The following TMTC2 variants were observed in gnomAD, a reference collection of about 807,000 sequenced individuals.
TMTC2 encodes the protein protein O-mannosyl-transferase TMTC2.
Under a neutral mutation model 82.4 loss-of-function variants are expected in TMTC2, and 43 were observed. The ratio of observed to expected loss-of-function variants is 0.52; its 90% CI spans 0.41 to 0.67. The LOEUF (loss-of-function observed/expected upper bound fraction) is 0.67. Ranked by LOEUF, TMTC2 falls within the 30% of genes least tolerant of loss-of-function variation. The pLI is 0.00. For missense variants in TMTC2, 919 were observed against 1,012.4 expected (o/e 0.91, Z 1.25); for synonymous variants, 408 against 381.9 (o/e 1.07, Z -0.80).
intron 11 of TMTC2, among the ~76,000 whole-genome samples, chr12:83,077,678 G>C (rs554388553): frequency 6.6e-6 from 1 of 151,768 alleles, no homozygotes; most frequent in African/African-American, 2.4e-5. Flanking sequence ...GAGTTCAAGC[G>C]ATTCTCCTGC....
chr12:83,032,022 C>T (rs537131191), intron 9 of TMTC2, among the ~76,000 whole-genome samples: 1 of 151,724 alleles, frequency 6.6e-6, no homozygotes, highest in Non-Finnish European at 1.5e-5. Flanking sequence ...ATAGGTTTTC[C>T]TATATGAAGT....
chr12:82,750,891 T>C lies in TMTC2; in HGVS notation c.83+63222T>C, dbSNP rs564214370. Among the ~76,000 whole-genome samples, 9 of 152,252 alleles carry C rather than the reference T, an allele frequency of 5.9e-5. No homozygotes were observed. In the South Asian group the frequency reaches 1.5e-3, roughly 25 times the overall value. ...AGTTATTGATTGAACAAATTCCAGT[T>C]TTTTTTGAACGAGGAAACTGTTAAG... On this transcript the variant is annotated intron_variant, in intron 1 of 11. Coordinates refer to ENST00000321196, the MANE Select transcript of TMTC2 (RefSeq NM_152588.3).
At chr12:82,765,622 C>T (rs148012358) in intron 1 of TMTC2, among the ~76,000 whole-genome samples, 61 of 151,914 alleles carry the variant, frequency 4.0e-4, no homozygotes, top group African/African-American at 1.4e-3. Flanking sequence ...TGAGGTGAAC[C>T]AAGATTGCAC....
chr12:82,989,493 A>T, intron 8 of TMTC2, among the ~76,000 whole-genome samples: 1 of 151,978 alleles, frequency 6.6e-6, no homozygotes, highest in East Asian at 1.9e-4. Flanking sequence ...TACCTAAGCT[A>T]GATTGATAAA....
At chr12:83,024,275 A>G (rs1456201555) in intron 8 of TMTC2, among the ~76,000 whole-genome samples, 2 of 152,208 alleles carry the variant, frequency 1.3e-5, no homozygotes, top group Non-Finnish European at 2.9e-5. Flanking sequence ...ATTTTAAACT[A>G]TCAAATAATG....
chr12:82,999,675 C>G (rs1241927675), intron 8 of TMTC2, among the ~76,000 whole-genome samples: 1 of 152,042 alleles, frequency 6.6e-6, no homozygotes, highest in East Asian at 1.9e-4. Context: ...TTTTTAAAAC[C>G]ATCATATCTC....
intron 1 of TMTC2, among the ~76,000 whole-genome samples, chr12:82,785,793 A>G (rs1878149937): frequency 6.6e-6 from 1 of 152,102 alleles, no homozygotes. Context: ...GATTCTAGAG[A>G]CCATGATTCA....
chr12:82,885,821 A>G (rs1248075643), intron 2 of TMTC2, among the ~76,000 whole-genome samples: 1 of 152,156 alleles, frequency 6.6e-6, no homozygotes, highest in East Asian at 1.9e-4. Context: ...TCTCCACCGT[A>G]AAGTTACTTT....
At chr12:82,847,350 C>A (rs1438541401) in intron 1 of TMTC2, among the ~76,000 whole-genome samples, 1 of 152,118 alleles carries the variant, frequency 6.6e-6, no homozygotes, top group Non-Finnish European at 1.5e-5. Flanking sequence ...ATACTTAAAA[C>A]AATCTAGAAT....
At chr12:82,818,292 T>G (rs1453679557) in intron 1 of TMTC2, among the ~76,000 whole-genome samples, 1 of 152,106 alleles carries the variant, frequency 6.6e-6, no homozygotes, top group Non-Finnish European at 1.5e-5. Flanking sequence ...TCTTTTGTCC[T>G]TGCTAATATT....
In TMTC2 at chr12:82,844,540, G is replaced by A. The variant is rs533979366; in HGVS notation, c.84-12470G>A. 3.3e-5 allele frequency among the ~76,000 whole-genome samples: 5 copies of A among 152,200 alleles called. No homozygotes were observed. The South Asian group carries it at 8.3e-4, about 25-fold the overall frequency. On this transcript the variant is annotated intron_variant, in intron 1 of 11. Transcript: ENST00000321196. ...GTTCCAGCCGGGCGCAGTGGCTCAA[G>A]CCTGTAATCCCAGCACTTTGGGTGG...
At chr12:82,970,300 C>A (rs145238774) in intron 7 of TMTC2, among the ~76,000 whole-genome samples, 1 of 152,230 alleles carries the variant, frequency 6.6e-6, no homozygotes, top group Non-Finnish European at 1.5e-5. Flanking sequence ...TGTTTTATAA[C>A]GGGACTTTCC....
intron 1 of TMTC2, among the ~76,000 whole-genome samples, chr12:82,806,404 C>T (rs1879243357): frequency 2.6e-5 from 4 of 152,104 alleles, no homozygotes; most frequent in South Asian, 4.1e-4. Context: ...GAATCAGATA[C>T]AGTATTTGGC....
chr12:82,698,251 G>A (rs1056217074), intron 1 of TMTC2, among the ~76,000 whole-genome samples: 5 of 152,186 alleles, frequency 3.3e-5, no homozygotes, highest in Non-Finnish European at 5.9e-5. Flanking sequence ...GTAGAGGCAG[G>A]GTTGTGAACG....
chr12:82,937,750 GTATATATA>G (rs1162321741), intron 4 of TMTC2, among the ~76,000 whole-genome samples: 3,201 of 104,798 alleles, frequency 0.031, 81 homozygotes, highest in African/African-American at 0.043. Flanking sequence ...GTGTGTGTGT[GTATATATA>G]TATATATATA....
chr12:82,866,060 G>A (rs940436259), intron 2 of TMTC2, among the ~76,000 whole-genome samples: 4 of 151,968 alleles, frequency 2.6e-5, no homozygotes, highest in Non-Finnish European at 5.9e-5. Flanking sequence ...GAGAAAGCAG[G>A]AAAGATCTAA....
intron 1 of TMTC2, among the ~76,000 whole-genome samples, chr12:82,843,271 G>C (rs1870444628): frequency 6.6e-6 from 1 of 151,982 alleles, no homozygotes; most frequent in South Asian, 2.1e-4. Context: ...ATTTTTAGTA[G>C]AGACGGGGTT....
intron 8 of TMTC2, among the ~76,000 whole-genome samples, chr12:83,005,119 A>G (rs1682587): frequency 0.77 from 114,977 of 149,944 alleles, 45,589 homozygotes; most frequent in South Asian, 0.93. Flanking sequence ...CAGGAGAATC[A>G]CTTGAACTCG....
rs757222007 is a variant in TMTC2 at position 82,895,940 on chromosome 12, C to G, written c.777C>G (p.Pro259=). ...CAAGCTTTTCCAACTCGGACAACCC[C>G]GCTGCTGATTCGGACAGCCTCCTCA... ...KPPSFSNSDN[P]AADSDSLLTR... is the part of the protein sequence containing the mutation. The change falls in exon 3 of 12, where the codon CCC becomes CCG. Residue 259 remains proline (P), a synonymous_variant. Coordinates refer to ENST00000321196, the MANE Select transcript of TMTC2 (RefSeq NM_152588.3). 3.1e-6 allele frequency: 5 copies of G among 1,613,920 alleles called. No individual in the cohort carries two copies. The highest frequency in any genetic ancestry group is 4.2e-6 in the Non-Finnish European group (5 of 1,179,998).
Sources: gnomAD v4.1 joint callset for allele counts (sites outside exome capture counted in the v4.1 genomes callset) on GRCh38, gnomAD v4.1.1 for gene constraint, MANE v1.5 for transcripts, NCBI Gene and HGNC (gene_info 2026-07-23, HGNC 2026-07-21) for gene names.